Variants in EFNA5 observed in about 807,000 individuals in gnomAD.
The protein encoded by EFNA5 is ephrin A5, also known as ephrin-A5.
In EFNA5, 5 loss-of-function variants were observed where a neutral mutation model predicts 22.9. The ratio of observed to expected loss-of-function variants is 0.22; its 90% CI spans 0.11 to 0.46. The LOEUF is 0.46. EFNA5 is among the 20% of genes least tolerant of loss of function. EFNA5 has a pLI of 0.99. For synonymous variants in EFNA5, 113 were observed against 112.2 expected (o/e 1.01, Z -0.04); for missense variants, 237 against 293.3 (o/e 0.81, Z 1.40).
intron 1 of EFNA5, among the ~76,000 whole-genome samples, chr5:107,459,500 GTAAC>G (rs1284337204): frequency 6.6e-6 from 1 of 152,112 alleles, no homozygotes; most frequent in Non-Finnish European, 1.5e-5. Flanking sequence ...TTATAGTTGA[GTAAC>G]TGACACCCAG....
chr5:107,517,311 A>G (rs1170462131), intron 1 of EFNA5, among the ~76,000 whole-genome samples: 3 of 152,190 alleles, frequency 2.0e-5, no homozygotes, highest in Admixed American at 6.5e-5. Flanking sequence ...CTATACAATC[A>G]TGGTGACTCA....
chr5:107,662,147 A>G (rs185690881), intron 1 of EFNA5, among the ~76,000 whole-genome samples: 6 of 152,352 alleles, frequency 3.9e-5, no homozygotes, highest in African/African-American at 1.4e-4. Flanking sequence ...TAGCCAAAGA[A>G]AAACAGATGC....
intron 1 of EFNA5, among the ~76,000 whole-genome samples, chr5:107,637,330 A>T (rs1750393506): frequency 6.6e-6 from 1 of 152,230 alleles, no homozygotes; most frequent in African/African-American, 2.4e-5. Context: ...AATATTTAGA[A>T]TGACAAGAGA....
rs10627229 is a variant in EFNA5, at chr5:107,379,547, C to CAAAAAAA, written c.*1701_*1707dup. The CAAAAAAA allele has an allele frequency of 1.8e-5, 2 of 108,880 alleles. No homozygotes were observed. Among genetic ancestry groups the CAAAAAAA allele is most frequent in the African/African-American group, 3.5e-5 (1 of 28,522 alleles). 6.7% of individuals were successfully genotyped at this position (108,880 alleles called of 1,614,324 possible). ...TTTCTGTTGACATGTCGTGCAAAGC[C>CAAAAAAA]AAAAAAAAAAAAAAAAAAAGGGCTG... On this transcript the variant is annotated 3_prime_UTR_variant, in exon 5 of 5. Transcript: ENST00000333274.
At chr5:107,575,225 A>G (rs1748902979) in intron 1 of EFNA5, among the ~76,000 whole-genome samples, 1 of 152,228 alleles carries the variant, frequency 6.6e-6, no homozygotes, top group African/African-American at 2.4e-5. Flanking sequence ...CCACCAACAG[A>G]TAAGAAGTGA....
chr5:107,580,721 C>CAAAAAAAAAAAA (rs56868732), intron 1 of EFNA5, among the ~76,000 whole-genome samples: 1 of 83,668 alleles, frequency 1.2e-5, no homozygotes, highest in African/African-American at 4.5e-5. Context: ...GACTCCATCT[C>CAAAAAAAAAAAA]AAAAAAAAAA....
chr5:107,582,336 C>A (rs577417820), intron 1 of EFNA5, among the ~76,000 whole-genome samples: 2 of 152,244 alleles, frequency 1.3e-5, no homozygotes, highest in South Asian at 4.1e-4. Flanking sequence ...CACATATCTA[C>A]ATAGGAAATT....
At chr5:107,648,306 A>C (rs1056916537) in intron 1 of EFNA5, among the ~76,000 whole-genome samples, 1 of 152,172 alleles carries the variant, frequency 6.6e-6, no homozygotes, top group Non-Finnish European at 1.5e-5. Context: ...ACATGCAATA[A>C]AAGGGTGTGA....
chr5:107,641,908 A>G (rs1399461172), intron 1 of EFNA5, among the ~76,000 whole-genome samples: 2 of 152,116 alleles, frequency 1.3e-5, no homozygotes, highest in Admixed American at 6.5e-5. Context: ...TTCCAGCTCC[A>G]TATCAAGCCC....
chr5:107,645,528 G>A (rs1267934113), intron 1 of EFNA5, among the ~76,000 whole-genome samples: 1 of 152,286 alleles, frequency 6.6e-6, no homozygotes, highest in East Asian at 1.9e-4. Flanking sequence ...ACACTATACT[G>A]AATCAAGTTT....
At chr5:107,635,961 T>C (rs150137181) in intron 1 of EFNA5, among the ~76,000 whole-genome samples, 9 of 152,328 alleles carry the variant, frequency 5.9e-5, no homozygotes, top group Admixed American at 1.3e-4. Context: ...TATTAAAGCA[T>C]CAATGCTTAA....
At chr5:107,517,457 C>G (rs964283121) in intron 1 of EFNA5, among the ~76,000 whole-genome samples, 1 of 152,214 alleles carries the variant, frequency 6.6e-6, no homozygotes, top group African/African-American at 2.4e-5. Context: ...GTTTCCTCAT[C>G]TGTAAACACT....
intron 2 of EFNA5, among the ~76,000 whole-genome samples, chr5:107,392,015 G>C (rs1747804859): frequency 6.6e-6 from 1 of 152,174 alleles, no homozygotes; most frequent in South Asian, 2.1e-4. Flanking sequence ...TATAGAAAAT[G>C]ACGATATTCA....
At chr5:107,392,115 C>T (rs1216979232) in intron 2 of EFNA5, among the ~76,000 whole-genome samples, 1 of 152,186 alleles carries the variant, frequency 6.6e-6, no homozygotes, top group East Asian at 1.9e-4. Flanking sequence ...ATCTATCATT[C>T]AGACATAGTA....
At chr5:107,439,722 A>T (rs1749205112) in intron 1 of EFNA5, among the ~76,000 whole-genome samples, 1 of 152,242 alleles carries the variant, frequency 6.6e-6, no homozygotes, top group Admixed American at 6.5e-5. Flanking sequence ...ATGGCACTAC[A>T]AAAACGACTG....
At chr5:107,465,844 A>C (rs982846222) in intron 1 of EFNA5, among the ~76,000 whole-genome samples, 1 of 151,900 alleles carries the variant, frequency 6.6e-6, no homozygotes, top group African/African-American at 2.4e-5. Flanking sequence ...AGAGCCTGAG[A>C]TCCTCACTGA....
At chr5:107,476,774 A>G (rs773488147) in intron 1 of EFNA5, among the ~76,000 whole-genome samples, 7 of 150,060 alleles carry the variant, frequency 4.7e-5, no homozygotes, top group Non-Finnish European at 8.9e-5. Flanking sequence ...AGGAACATCC[A>G]AACTGTGTTG....
At chr5:107,655,784 A>C (rs1297232264) in intron 1 of EFNA5, among the ~76,000 whole-genome samples, 2 of 152,154 alleles carry the variant, frequency 1.3e-5, no homozygotes. Flanking sequence ...GCCCTTTGGC[A>C]GTAATCTATT....
At chr5:107,492,765 G>A (rs182316790) in intron 1 of EFNA5, among the ~76,000 whole-genome samples, 9 of 152,270 alleles carry the variant, frequency 5.9e-5, no homozygotes, top group Admixed American at 2.0e-4. Context: ...TTCGGAGGCC[G>A]AGGCGGGCGG....
Sources: gnomAD v4.1 joint callset for allele counts (sites outside exome capture counted in the v4.1 genomes callset) on GRCh38, gnomAD v4.1.1 for gene constraint, MANE v1.5 for transcripts, NCBI Gene and HGNC (gene_info 2026-07-23, HGNC 2026-07-21) for gene names.